The following SNX18 variants were observed in gnomAD, a reference collection of about 807,000 sequenced individuals.
The protein encoded by SNX18 is sorting nexin 18, also known as sorting nexin-18.
In SNX18, 35 loss-of-function variants were observed where a neutral mutation model predicts 48.7. The observed-to-expected ratio is 0.72, with a 90% CI of 0.55 to 0.95. The LOEUF is 0.95. Ranked by LOEUF, SNX18 falls within the 40% of genes least tolerant of loss-of-function variation. The pLI is 0.00. For missense variants in SNX18, 824 were observed against 871.0 expected, an observed-to-expected ratio of 0.95 and a Z score of 0.68; for synonymous variants, 492 against 384.7, an observed-to-expected ratio of 1.28 and a Z score of -3.26.
At chr5:54,636,859 T>C in the SNX18 span, among the ~76,000 whole-genome samples, 1 of 152,352 alleles carries the variant, frequency 6.6e-6, no homozygotes, top group African/African-American at 2.4e-5. Context: ...TTTCCTAATA[T>C]TACTTTACAG....
At chr5:54,597,174 G>T in the SNX18 span, among the ~76,000 whole-genome samples, 8 of 152,070 alleles carry the variant, frequency 5.3e-5, no homozygotes, top group East Asian at 1.5e-3. Context: ...TTACATATTG[G>T]TAAAGCGGAG....
the SNX18 span, among the ~76,000 whole-genome samples, chr5:54,584,928 C>T: frequency 6.6e-6 from 1 of 152,164 alleles, no homozygotes; most frequent in African/African-American, 2.4e-5. Context: ...GGCCAACACA[C>T]GTATTTTAAC....
Position 54,518,067 on chromosome 5 carries a change from C to G in SNX18, c.115C>G (p.Leu39Val). The G allele has an allele frequency of 6.5e-7, 1 of 1,543,772 alleles. No homozygotes were observed. Among genetic ancestry groups the G allele is most frequent in the Non-Finnish European group, 8.7e-7 (1 of 1,150,386 alleles). The stretch of plus-strand genomic sequence containing the variant: ...CAGCGAGCAGGACATCGAGGGCTGG[C>G]TCGAGGGGGTCAACAGCCGCGGCGA... ...LCSEQDIEGW[L>V]EGVNSRGDRG... The change falls in exon 1 of 2, where the codon CTC becomes GTC. Residue 39 changes from leucine to valine, a missense_variant. Coordinates refer to ENST00000381410, the MANE Select transcript of SNX18 (RefSeq NM_001102575.2).
the SNX18 span, among the ~76,000 whole-genome samples, chr5:54,631,537 A>G: frequency 9.7e-4 from 148 of 152,356 alleles, 1 homozygote; most frequent in African/African-American, 3.4e-3. Flanking sequence ...CCAAGCTGTT[A>G]TTCACGTGAC....
At chr5:54,593,000 C>T in the SNX18 span, among the ~76,000 whole-genome samples, 157 of 152,226 alleles carry the variant, frequency 1.0e-3, no homozygotes, top group African/African-American at 3.8e-3. Context: ...CGGGTTTCAT[C>T]ATGTTGGCCA....
the SNX18 span, among the ~76,000 whole-genome samples, chr5:54,580,998 G>C: frequency 4.6e-5 from 7 of 152,078 alleles, no homozygotes; most frequent in African/African-American, 1.7e-4. Context: ...GAGGAGGTAG[G>C]ACTCAAAAAG....
chr5:54,596,631 C>T, the SNX18 span, among the ~76,000 whole-genome samples: 1 of 152,166 alleles, frequency 6.6e-6, no homozygotes, highest in African/African-American at 2.4e-5. Context: ...GGTTAGATGA[C>T]CTAGATTCTA....
chr5:54,535,258 A>C (rs1049811734), intron 1 of SNX18, among the ~76,000 whole-genome samples: 2 of 152,194 alleles, frequency 1.3e-5, no homozygotes, highest in African/African-American at 4.8e-5. Flanking sequence ...CAAAGAAAAA[A>C]GGTAGGAGGG....
rs551250429 is a variant in SNX18, at chr5:54,545,376, C to T, written c.*1944C>T. On this transcript the variant is annotated 3_prime_UTR_variant, in exon 2 of 2. Transcript: ENST00000381410. ...TGCTTTTCAAATGATTTAAAAATTA[C>T]TTTTATTTGCCTCTTTATTTTGATG... The T allele has an allele frequency of 2.0e-5, 3 of 149,448 alleles. No individual in the cohort carries two copies. In the Admixed American group the frequency reaches 2.0e-4, roughly 10 times the overall value. 9.3% of individuals were successfully genotyped at this position (149,448 alleles called of 1,614,324 possible).
downstream of SNX18, among the ~76,000 whole-genome samples, chr5:54,547,063 T>A (rs1762587774): frequency 1.3e-5 from 2 of 152,254 alleles, no homozygotes; most frequent in Admixed American, 6.5e-5. Context: ...TATCTGCTTA[T>A]CTTTACAGAT....
the SNX18 span, among the ~76,000 whole-genome samples, chr5:54,572,726 T>TTGTGTGTG: frequency 0.019 from 721 of 38,608 alleles, 30 homozygotes; most frequent in Non-Finnish European, 0.021. Context: ...CTCCTCCAAA[T>TTGTGTGTG]TGTGTGTGTG....
At chr5:54,584,074 G>T in the SNX18 span, among the ~76,000 whole-genome samples, 1 of 137,608 alleles carries the variant, frequency 7.3e-6, no homozygotes, top group Admixed American at 8.0e-5. Flanking sequence ...TTTTTGAGAC[G>T]GAGTCTTGCT....
the SNX18 span, among the ~76,000 whole-genome samples, chr5:54,617,776 G>A: frequency 6.6e-5 from 10 of 151,918 alleles, no homozygotes; most frequent in African/African-American, 2.4e-4. Context: ...TGCCCAGCCT[G>A]GTCTCCAACT....
the SNX18 span, among the ~76,000 whole-genome samples, chr5:54,634,776 A>G: frequency 6.6e-6 from 1 of 152,194 alleles, no homozygotes; most frequent in Non-Finnish European, 1.5e-5. Context: ...ACAAGGCTGA[A>G]AGACATATAA....
At chr5:54,610,375 T>C in the SNX18 span, among the ~76,000 whole-genome samples, 1 of 152,096 alleles carries the variant, frequency 6.6e-6, no homozygotes, top group African/African-American at 2.4e-5. Flanking sequence ...CACAAAGGAA[T>C]GGAGGTTGGG....
chr5:54,535,540 G>A (rs1468678014), intron 1 of SNX18, among the ~76,000 whole-genome samples: 1 of 152,184 alleles, frequency 6.6e-6, no homozygotes, highest in African/African-American at 2.4e-5. Context: ...GTAGGGTCAA[G>A]TCTCCATCTC....
intron 1 of SNX18, among the ~76,000 whole-genome samples, chr5:54,531,150 T>A (rs1454067563): frequency 2.0e-5 from 3 of 152,116 alleles, no homozygotes; most frequent in Non-Finnish European, 2.9e-5. Context: ...TCCTGTTGGT[T>A]GGGCAGAGAT....
At chr5:54,573,372 T>G in the SNX18 span, among the ~76,000 whole-genome samples, 2 of 152,118 alleles carry the variant, frequency 1.3e-5, no homozygotes, top group African/African-American at 4.8e-5. Flanking sequence ...TTGCGCGAGA[T>G]CCAAGAACTC....
intron 1 of SNX18, among the ~76,000 whole-genome samples, chr5:54,539,668 T>C (rs1313569076): frequency 6.6e-6 from 1 of 152,132 alleles, no homozygotes; most frequent in East Asian, 1.9e-4. Flanking sequence ...ATCTCCCTGT[T>C]CTATCAGTGT....
Sources: allele counts gnomAD v4.1 joint callset (sites outside exome capture counted in the v4.1 genomes callset), GRCh38; gene constraint gnomAD v4.1.1; transcripts MANE v1.5; gene names NCBI Gene and HGNC (gene_info 2026-07-23, HGNC 2026-07-21).